The following LHFPL3 variants were observed in gnomAD, a reference collection of about 807,000 sequenced individuals.
LHFPL3 encodes LHFPL tetraspan subfamily member 3 protein.
LHFPL3 carries 5 observed loss-of-function variants against 19.3 expected under a neutral mutation model. The observed-to-expected ratio is 0.26, with a 90% confidence interval of 0.14 to 0.54. The LOEUF (loss-of-function observed/expected upper bound fraction) is 0.54, where lower values mean the gene tolerates loss of function less well. Ranked by LOEUF, LHFPL3 falls within the 20% of genes least tolerant of loss-of-function variation. LHFPL3 has a pLI of 0.94. For synonymous variants in LHFPL3, 133 were observed against 126.2 expected (o/e 1.05, Z -0.36); for missense variants, 249 against 307.4 (o/e 0.81, Z 1.42).
At chr7:104,400,145 A>AAAAAAAAC in intron 1 of LHFPL3, among the ~76,000 whole-genome samples, 1 of 112,072 alleles carries the variant, frequency 8.9e-6, no homozygotes, top group South Asian at 2.9e-4. Flanking sequence ...AAAAAAAAAA[A>AAAAAAAAC]AAGACTCTAC....
intron 2 of LHFPL3, among the ~76,000 whole-genome samples, chr7:104,878,223 C>A (rs922959270): frequency 1.2e-4 from 18 of 151,986 alleles, no homozygotes; most frequent in African/African-American, 4.3e-4. Flanking sequence ...ACAGGCACAC[C>A]TCATATTTAT....
chr7:104,521,764 T>C (rs1028402332), intron 1 of LHFPL3, among the ~76,000 whole-genome samples: 4 of 152,166 alleles, frequency 2.6e-5, no homozygotes, highest in African/African-American at 4.8e-5. Flanking sequence ...GACATTTATG[T>C]AGCCAAAAAA....
At chr7:104,429,874 T>C (rs1791922307) in intron 1 of LHFPL3, among the ~76,000 whole-genome samples, 2 of 152,026 alleles carry the variant, frequency 1.3e-5, no homozygotes, top group African/African-American at 4.8e-5. Flanking sequence ...AGGAGAGTGA[T>C]ATGTGGACAT....
intron 1 of LHFPL3, among the ~76,000 whole-genome samples, chr7:104,452,451 G>T (rs1792458707): frequency 6.6e-6 from 1 of 151,976 alleles, no homozygotes. Context: ...TGGAGTTTCT[G>T]GGTCCAAGGG....
intron 1 of LHFPL3, among the ~76,000 whole-genome samples, chr7:104,459,971 T>C (rs939161353): frequency 9.9e-5 from 15 of 152,198 alleles, no homozygotes; most frequent in African/African-American, 3.6e-4. Context: ...CTAAGCCTAG[T>C]ACCCAATGGT....
chr7:104,809,843 C>A (rs535733189), intron 2 of LHFPL3, among the ~76,000 whole-genome samples: 10 of 152,184 alleles, frequency 6.6e-5, no homozygotes, highest in Non-Finnish European at 1.3e-4. Flanking sequence ...ATGCTATGCA[C>A]AGAGCCAGGT....
chr7:104,585,480 A>ACAC lies in LHFPL3; in HGVS notation c.446-151195_446-151194insCAC, dbSNP rs1790551501. Among the ~76,000 whole-genome samples, 45 of 123,460 alleles carry ACAC rather than the reference A, an allele frequency of 3.6e-4. 1 individual carries two copies. The highest frequency in any genetic ancestry group is 1.5e-3 in the South Asian group (5 of 3,352). 81.0% of individuals were successfully genotyped at this position (123,460 alleles called of 152,430 possible). ...AAAGTGGAATAAGGCAACACACACA[A>ACAC]ACACACACACACACACACACACACA... On this transcript the variant is annotated intron_variant, in intron 1 of 2. Transcript: ENST00000424859.
At chr7:104,664,375 A>T (rs1792286163) in intron 1 of LHFPL3, among the ~76,000 whole-genome samples, 1 of 152,200 alleles carries the variant, frequency 6.6e-6, no homozygotes, top group Non-Finnish European at 1.5e-5. Flanking sequence ...AAATTTTTTA[A>T]TTAAAAACTT....
At chr7:104,637,607 A>C (rs1437334347) in intron 1 of LHFPL3, among the ~76,000 whole-genome samples, 5 of 152,204 alleles carry the variant, frequency 3.3e-5, no homozygotes, top group Admixed American at 3.3e-4. Flanking sequence ...ATGACTAGCC[A>C]GTTATCCCAG....
intron 2 of LHFPL3, among the ~76,000 whole-genome samples, chr7:104,828,465 T>C (rs932670314): frequency 1.3e-5 from 2 of 151,980 alleles, no homozygotes; most frequent in Non-Finnish European, 2.9e-5. Flanking sequence ...TCCTCTGGTC[T>C]CTTGTCTGAA....
intron 1 of LHFPL3, among the ~76,000 whole-genome samples, chr7:104,457,695 C>A (rs1321375289): frequency 7.0e-6 from 1 of 142,822 alleles, no homozygotes; most frequent in Non-Finnish European, 1.5e-5. Context: ...GCCACAGTGA[C>A]TTCCACAATG....
At chr7:104,854,910 C>T (rs925117032) in intron 2 of LHFPL3, among the ~76,000 whole-genome samples, 12 of 152,326 alleles carry the variant, frequency 7.9e-5, no homozygotes, top group African/African-American at 2.9e-4. Context: ...TATAATTTCT[C>T]ATAATTACTC....
At chr7:104,824,538 TATA>T (rs1266585068) in intron 2 of LHFPL3, among the ~76,000 whole-genome samples, 16 of 73,328 alleles carry the variant, frequency 2.2e-4, no homozygotes, top group African/African-American at 8.0e-4. Flanking sequence ...ATATAATATA[TATA>T]ATTATATATA....
chr7:104,383,568 A>C (rs1434063681), intron 1 of LHFPL3, among the ~76,000 whole-genome samples: 1 of 152,184 alleles, frequency 6.6e-6, no homozygotes, highest in East Asian at 1.9e-4. Context: ...TTTCAAGGTG[A>C]TCCTATAAAG....
intron 2 of LHFPL3, chr7:104,845,504 CGCT>C: frequency 1.3e-6 from 2 of 1,494,534 alleles, no homozygotes; most frequent in Non-Finnish European, 1.8e-6. Context: ...ATGTTTTCTC[CGCT>C]GTTTTCTGAT....
chr7:104,498,170 A>G (rs1424905768), intron 1 of LHFPL3, among the ~76,000 whole-genome samples: 1 of 152,252 alleles, frequency 6.6e-6, no homozygotes, highest in African/African-American at 2.4e-5. Flanking sequence ...AGAATTAAAT[A>G]TAATAGTCAC....
At chr7:104,724,524 A>G (rs1159938702) in intron 1 of LHFPL3, among the ~76,000 whole-genome samples, 1 of 152,194 alleles carries the variant, frequency 6.6e-6, no homozygotes. Flanking sequence ...TTAGAAAGGG[A>G]TAAAGTCTTT....
intron 2 of LHFPL3, among the ~76,000 whole-genome samples, chr7:104,775,312 C>G (rs775199935): frequency 6.6e-6 from 1 of 152,176 alleles, no homozygotes; most frequent in Non-Finnish European, 1.5e-5. Context: ...AGGAGAATCA[C>G]TTAAACCCAG....
At chr7:104,877,367 AGG>A (rs1791967934) in intron 2 of LHFPL3, among the ~76,000 whole-genome samples, 1 of 152,244 alleles carries the variant, frequency 6.6e-6, no homozygotes, top group Non-Finnish European at 1.5e-5. Context: ...ATACCTGATA[AGG>A]GACTTGTATC....
Sources: allele counts gnomAD v4.1 joint callset (sites outside exome capture counted in the v4.1 genomes callset), GRCh38; gene constraint gnomAD v4.1.1; transcripts MANE v1.5; gene names NCBI Gene and HGNC (gene_info 2026-07-23, HGNC 2026-07-21).